SLC22A15: variants seen among roughly 807,000 people sequenced by gnomAD.
The protein encoded by SLC22A15 is solute carrier family 22 member 15.
SLC22A15 carries 45 observed loss-of-function variants against 62.7 expected under a neutral mutation model. The ratio of observed to expected loss-of-function variants is 0.72; its 90% CI spans 0.56 to 0.92. SLC22A15 has a LOEUF of 0.92. Among genes scored for constraint, SLC22A15 ranks in the 40% least tolerant of loss-of-function variants. SLC22A15 has a pLI of 0.00. For synonymous variants in SLC22A15, 264 were observed against 267.0 expected, an observed-to-expected ratio of 0.99 and a Z score of 0.11; for missense variants, 622 against 665.6, an observed-to-expected ratio of 0.93 and a Z score of 0.72.
At chr1:116,052,976 T>C (rs12075441) in intron 8 of SLC22A15, among the ~76,000 whole-genome samples, 7,275 of 152,036 alleles carry the variant, frequency 0.048, 603 homozygotes, top group African/African-American at 0.17. Flanking sequence ...GCAGAAAAAC[T>C]GGAAACTCTA....
chr1:116,035,623 T>G (rs1407958366), intron 7 of SLC22A15, among the ~76,000 whole-genome samples: 1 of 152,228 alleles, frequency 6.6e-6, no homozygotes, highest in Non-Finnish European at 1.5e-5. Flanking sequence ...AGTCTGTATG[T>G]AATTTGTTAG....
intron 8 of SLC22A15, among the ~76,000 whole-genome samples, chr1:116,038,323 A>G (rs1657687730): frequency 6.6e-6 from 1 of 152,222 alleles, no homozygotes; most frequent in Non-Finnish European, 1.5e-5. Context: ...AGAGTATATC[A>G]GGTATTAAAT....
intron 2 of SLC22A15, among the ~76,000 whole-genome samples, chr1:116,004,147 G>A (rs901279836): frequency 6.6e-6 from 1 of 152,210 alleles, no homozygotes; most frequent in Non-Finnish European, 1.5e-5. Context: ...CAGAGAGACA[G>A]ATTTGAGACT....
Position 116,031,598 on chromosome 1 carries a change from G to C in SLC22A15, c.944+17G>C, listed in dbSNP as rs1350711692. The C allele has an allele frequency of 1.2e-6, 2 of 1,611,262 alleles. No individual in the cohort carries two copies. Among genetic ancestry groups the C allele is most frequent in the Admixed American group, 3.3e-5 (2 of 60,002 alleles). ...GTTCATCTGGTAATTATACTAAGGC[G>C]TGTTCTGTTGCTCTTTAACTAAGGT... On this transcript the variant is annotated intron_variant, in intron 6 of 11. Transcript: ENST00000369503.
At chr1:116,042,386 G>A (rs1036972398) in intron 8 of SLC22A15, among the ~76,000 whole-genome samples, 2 of 151,552 alleles carry the variant, frequency 1.3e-5, no homozygotes, top group Admixed American at 6.6e-5. Flanking sequence ...GATGAGATTA[G>A]CAACAGGTTA....
chr1:116,037,194 G>A, intron 7 of SLC22A15, 109 bp from the exon 8 acceptor site: 1 of 920,986 alleles, frequency 1.1e-6, no homozygotes, highest in South Asian at 1.5e-5. Context: ...CTTAAGAGGA[G>A]ATGAACATAT....
At chr1:116,066,869 C>A in intron 11 of SLC22A15, 150 bp from the exon 12 acceptor site, 1 of 922,090 alleles carries the variant, frequency 1.1e-6, no homozygotes, top group Non-Finnish European at 1.6e-6. Flanking sequence ...ATCGATGATT[C>A]ATTAGCTTTC....
chr1:116,046,220 CA>C (rs1370628929), intron 8 of SLC22A15, among the ~76,000 whole-genome samples: 2 of 151,482 alleles, frequency 1.3e-5, no homozygotes, highest in African/African-American at 2.4e-5. Flanking sequence ...ACTAGGACAC[CA>C]AAAGCACAAA....
intron 2 of SLC22A15, among the ~76,000 whole-genome samples, chr1:115,999,747 G>T (rs1655626700): frequency 6.6e-6 from 1 of 151,972 alleles, no homozygotes; most frequent in South Asian, 2.1e-4. Context: ...CAGGCAGTCT[G>T]CCTGCCTCCA....
chr1:115,988,144 A>G (rs1654965296), intron 1 of SLC22A15, among the ~76,000 whole-genome samples: 2 of 152,218 alleles, frequency 1.3e-5, no homozygotes, highest in Admixed American at 6.5e-5. Context: ...CTCCTTCCCT[A>G]GAGGTAGAGC....
At position 116,019,681 on chromosome 1, in the gene SLC22A15, G is replaced by A; in HGVS notation, c.400G>A (p.Asp134Asn). The A allele has an allele frequency of 1.2e-6, 2 of 1,613,620 alleles. No homozygotes were observed. Among genetic ancestry groups the A allele is most frequent in the Non-Finnish European group, 1.7e-6 (2 of 1,179,806 alleles). Residue 134 changes from aspartate to asparagine, a missense_variant, in exon 3 of 12, where the codon GAT becomes AAT. Transcript: ENST00000369503. The stretch of plus-strand genomic sequence containing the variant: ...AGTTATCTCTTTTGGTCAGCTTTCA[G>A]ATCGCTTCGGAAGGAAAAAAGTCTA... ...VGVISFGQLS[D>N]RFGRKKVYLT...
At position 116,064,651 on chromosome 1, in the gene SLC22A15, C is replaced by T. The variant is rs1257160175; in HGVS notation, c.1365+143C>T. ...AACCTTGGCCCTTTTAGATAGTATT[C>T]CGTCAGGGCAGATGGACTCTTATCG... On this transcript the variant is annotated intron_variant, in intron 10 of 11. Transcript: ENST00000369503. The T allele has an allele frequency of 1.2e-5, 8 of 646,260 alleles. No individual in the cohort carries two copies. In the East Asian group the frequency reaches 1.4e-4, roughly 11 times the overall value. 40.0% of individuals were successfully genotyped at this position (646,260 alleles called of 1,614,324 possible).
In SLC22A15 at chr1:116,053,996, C is replaced by T. The variant is rs540266261; in HGVS notation, c.1172-8766C>T. Among the ~76,000 whole-genome samples, 254 of 152,034 alleles carry T rather than the reference C, an allele frequency of 1.7e-3. 1 individual carries two copies. Among genetic ancestry groups the T allele is most frequent in the African/African-American group, 5.8e-3 (239 of 41,464 alleles). ...CGAGACTAGGAAGAAACTGAATCAA[C>T]TAATGAGCAAAATAACCAGCTAACA... On this transcript the variant is annotated intron_variant, in intron 8 of 11. Transcript: ENST00000369503.
At chr1:115,984,843 A>C (rs1654780006) in intron 1 of SLC22A15, among the ~76,000 whole-genome samples, 1 of 152,124 alleles carries the variant, frequency 6.6e-6, no homozygotes, top group African/African-American at 2.4e-5. Context: ...AAATAAGTTC[A>C]AAAAATTTTT....
At chr1:116,037,564 G>A (rs896569528) in intron 8 of SLC22A15, 176 bp downstream of exon 8, 1 of 590,730 alleles carries the variant, frequency 1.7e-6, no homozygotes, top group East Asian at 2.8e-5. Flanking sequence ...TTCTCTGGGT[G>A]AATAATGTGT....
intron 7 of SLC22A15, 127 bp downstream of exon 7, chr1:116,035,454 T>C (rs1657599949): frequency 1.4e-6 from 1 of 703,906 alleles, no homozygotes; most frequent in Non-Finnish European, 2.1e-6. Flanking sequence ...TGCTCTGTGG[T>C]GATTAGAGTT....
rs1658517970 is a variant in SLC22A15, at chr1:116,067,122, C to T, written c.*14C>T. 1.2e-6 allele frequency: 2 copies of T among 1,600,600 alleles called. No homozygotes were observed. Among genetic ancestry groups the T allele is most frequent in the African/African-American group, 1.3e-5 (1 of 74,700 alleles). On this transcript the variant is annotated 3_prime_UTR_variant, in exon 12 of 12. Coordinates refer to ENST00000369503, the MANE Select transcript of SLC22A15 (RefSeq NM_018420.3). ...ATGATCAAGTGAAGAGCCCCAGATT[C>T]CCCCTAAGAAGCAAAGGATCGTCTT...
At chr1:116,046,295 A>G (rs954747000) in intron 8 of SLC22A15, among the ~76,000 whole-genome samples, 2 of 152,222 alleles carry the variant, frequency 1.3e-5, no homozygotes, top group Non-Finnish European at 2.9e-5. Flanking sequence ...AAAAGACTCT[A>G]TTACAGAAAT....
intron 2 of SLC22A15, among the ~76,000 whole-genome samples, chr1:116,009,269 T>C (rs1188113437): frequency 6.6e-6 from 1 of 152,086 alleles, no homozygotes; most frequent in Non-Finnish European, 1.5e-5. Flanking sequence ...TATATTGAGG[T>C]ACCAATGAAG....
Sources: allele counts gnomAD v4.1 joint callset (sites outside exome capture counted in the v4.1 genomes callset), GRCh38; gene constraint gnomAD v4.1.1; transcripts MANE v1.5; gene names NCBI Gene and HGNC (gene_info 2026-07-23, HGNC 2026-07-21).